The following ZNF346 variants were observed in gnomAD, a reference collection of about 807,000 sequenced individuals.
ZNF346 encodes zinc finger protein 346, also known as double-stranded RNA-binding zinc finger protein JAZ.
ZNF346 carries 23 observed loss-of-function variants against 33.7 expected under a neutral mutation model. That is an observed-to-expected ratio of 0.68 (90% CI 0.49 to 0.97). ZNF346 has a LOEUF of 0.97. Ranked by LOEUF, ZNF346 falls within the 50% of genes least tolerant of loss-of-function variation. The pLI, the probability that ZNF346 is intolerant of heterozygous loss-of-function variation, is 0.00. For synonymous variants in ZNF346, 134 were observed against 142.4 expected (o/e 0.94, Z 0.42); for missense variants, 340 against 371.1 (o/e 0.92, Z 0.69).
intron 4 of ZNF346, among the ~76,000 whole-genome samples, chr5:177,049,078 G>A (rs940383354): frequency 1.3e-5 from 2 of 152,030 alleles, no homozygotes; most frequent in Admixed American, 6.6e-5. Context: ...AAGCCATTGC[G>A]CCTGGCCTGT....
intron 1 of ZNF346, among the ~76,000 whole-genome samples, chr5:177,040,582 T>C (rs1581847311): frequency 6.6e-6 from 1 of 152,316 alleles, no homozygotes; most frequent in East Asian, 1.9e-4. Flanking sequence ...TGATCTCAGG[T>C]GATCTGCCCA....
Position 177,067,677 on chromosome 5 carries a change from A to G in ZNF346, c.*3078A>G, listed in dbSNP as rs1440387839. On this transcript the variant is annotated 3_prime_UTR_variant, in exon 7 of 7. Transcript: ENST00000358149. ...GCCCTTAGGGGTTCACACACAGTCA[A>G]AGATCATGATGACAATGATAAGAAT... is the stretch of plus-strand genomic sequence containing the variant. Among the ~76,000 whole-genome samples, 1 of 152,228 alleles carries G rather than the reference A, an allele frequency of 6.6e-6. No individual in the cohort carries two copies. The highest frequency in any genetic ancestry group is 1.5e-5 in the Non-Finnish European group (1 of 68,042).
intron 4 of ZNF346, among the ~76,000 whole-genome samples, chr5:177,045,525 T>C (rs948365606): frequency 2.0e-5 from 3 of 152,096 alleles, no homozygotes; most frequent in African/African-American, 7.2e-5. Context: ...CAGCTAATTT[T>C]TTTGTATTTT....
intron 1 of ZNF346, among the ~76,000 whole-genome samples, chr5:177,039,362 CTAAAAGGGCTGACATAGGTAAGCTT>C (rs1332634757): frequency 6.6e-6 from 1 of 151,970 alleles, no homozygotes; most frequent in African/African-American, 2.4e-5. Context: ...GCCCTTCTGC[CTAAAAGGGCTGACATAGGTAAGCTT>C]TAGATTTTGT....
chr5:177,041,025 G>A lies in ZNF346; in HGVS notation c.176-101G>A. ...TGAGGTCTGCCAGTGTCCTAGTATG[G>A]CATCCCATCATTCAGTGCCTGTGTT... On this transcript the variant is annotated intron_variant, in intron 1 of 6. Coordinates refer to ENST00000358149, the MANE Select transcript of ZNF346 (RefSeq NM_012279.4). 9.1e-6 allele frequency: 8 copies of A among 878,028 alleles called. No homozygotes were observed. In the South Asian group the frequency reaches 1.2e-4, roughly 13 times the overall value. 54.4% of individuals were successfully genotyped at this position (878,028 alleles called of 1,614,324 possible).
intron 5 of ZNF346, among the ~76,000 whole-genome samples, chr5:177,061,235 A>AAG (rs1491297476): frequency 6.6e-6 from 1 of 152,126 alleles, no homozygotes; most frequent in African/African-American, 2.4e-5. Flanking sequence ...TCATGAGGTC[A>AAG]AGAGAGAGAG....
intron 1 of ZNF346, among the ~76,000 whole-genome samples, chr5:177,033,171 A>G (rs1474305260): frequency 1.3e-5 from 2 of 152,106 alleles, no homozygotes; most frequent in Non-Finnish European, 2.9e-5. Context: ...GAACTGCTAG[A>G]CTCAAGTGAT....
At chr5:177,070,648 T>C (rs1408506381), downstream of ZNF346, among the ~76,000 whole-genome samples, 1 of 152,162 alleles carries the variant, frequency 6.6e-6, no homozygotes, top group African/African-American at 2.4e-5. Context: ...AAATGCTATA[T>C]AAATGATAGC....
chr5:177,025,721 T>C (rs1776667611), intron 1 of ZNF346, among the ~76,000 whole-genome samples: 1 of 152,222 alleles, frequency 6.6e-6, no homozygotes, highest in Non-Finnish European at 1.5e-5. Context: ...GTAATTGGGC[T>C]GTTTGTCTTC....
intron 1 of ZNF346, among the ~76,000 whole-genome samples, chr5:177,038,048 G>A (rs74292769): frequency 1.3e-5 from 2 of 149,682 alleles, no homozygotes; most frequent in South Asian, 2.1e-4. Flanking sequence ...CTCTTTTCCT[G>A]TAAGCCTTGT....
intron 1 of ZNF346, among the ~76,000 whole-genome samples, chr5:177,037,869 A>G (rs1243263210): frequency 1.3e-5 from 2 of 152,154 alleles, no homozygotes; most frequent in African/African-American, 4.8e-5. Context: ...CCTTATATTC[A>G]TTCAACATCA....
chr5:177,054,263 G>A (rs11950989), intron 5 of ZNF346, among the ~76,000 whole-genome samples: 19,656 of 151,962 alleles, frequency 0.13, 2,971 homozygotes, highest in African/African-American at 0.37. Context: ...TAGAGCTAGA[G>A]TCTCGCCACG....
intron 1 of ZNF346, among the ~76,000 whole-genome samples, chr5:177,037,970 T>G (rs1205299757): frequency 1.3e-5 from 2 of 152,192 alleles, no homozygotes; most frequent in African/African-American, 2.4e-5. Context: ...TTCTCTCCAT[T>G]CTTTGAACAT....
chr5:177,059,207 C>T (rs1055718149), intron 5 of ZNF346, among the ~76,000 whole-genome samples: 14 of 152,188 alleles, frequency 9.2e-5, no homozygotes, highest in Admixed American at 7.2e-4. Context: ...CTGACAATAA[C>T]TGTTGAACAA....
intron 4 of ZNF346, among the ~76,000 whole-genome samples, chr5:177,048,854 C>G (rs1780475847): frequency 6.7e-6 from 1 of 148,352 alleles, no homozygotes; most frequent in South Asian, 2.1e-4. Context: ...GGCGCAATCT[C>G]AGCTTACTGC....
downstream of ZNF346, among the ~76,000 whole-genome samples, chr5:177,071,904 C>T (rs566969770): frequency 5.8e-4 from 88 of 152,274 alleles, 1 homozygote; most frequent in African/African-American, 2.0e-3. Flanking sequence ...GACCCGTCCC[C>T]GGCCTGTCTC....
chr5:177,048,097 G>A (rs1780340076), intron 4 of ZNF346, among the ~76,000 whole-genome samples: 1 of 151,970 alleles, frequency 6.6e-6, no homozygotes, highest in Non-Finnish European at 1.5e-5. Context: ...ACTTTTTGGT[G>A]TTACAGATAA....
chr5:177,029,859 A>C (rs1161164327), intron 1 of ZNF346, among the ~76,000 whole-genome samples: 3 of 152,188 alleles, frequency 2.0e-5, no homozygotes, highest in Admixed American at 2.0e-4. Context: ...CAGGTGAAAG[A>C]ATGTGGAACC....
intron 3 of ZNF346, among the ~76,000 whole-genome samples, chr5:177,042,923 C>T (rs1312827290): frequency 1.3e-5 from 2 of 152,120 alleles, no homozygotes; most frequent in Non-Finnish European, 2.9e-5. Flanking sequence ...ACGATCTCAG[C>T]TCACTGCAAC....
Sources: allele counts gnomAD v4.1 joint callset (sites outside exome capture counted in the v4.1 genomes callset), GRCh38; gene constraint gnomAD v4.1.1; transcripts MANE v1.5; gene names NCBI Gene and HGNC (gene_info 2026-07-23, HGNC 2026-07-21).